Variants in FRMD6 observed in about 807,000 individuals in gnomAD.
The protein encoded by FRMD6 is FERM domain containing 6.
FRMD6 carries 37 observed loss-of-function variants against 73.2 expected under a neutral mutation model. The ratio of observed to expected loss-of-function variants is 0.51; its 90% confidence interval spans 0.39 to 0.66. The LOEUF (loss-of-function observed/expected upper bound fraction) is 0.66. FRMD6 is among the 30% of genes least tolerant of loss of function. The pLI is 0.00. For missense variants in FRMD6, 714 were observed against 780.5 expected, an observed-to-expected ratio of 0.91 and a Z score of 1.02; for synonymous variants, 273 against 282.2, an observed-to-expected ratio of 0.97 and a Z score of 0.33.
chr14:51,633,555 C>T (rs1220563583), intron 2 of FRMD6, among the ~76,000 whole-genome samples: 1 of 128,466 alleles, frequency 7.8e-6, no homozygotes, highest in Non-Finnish European at 1.6e-5. Context: ...GAGCTAAGAT[C>T]ATGCCACTGC....
At chr14:51,425,615 C>G in the FRMD6 span, among the ~76,000 whole-genome samples, 1 of 152,188 alleles carries the variant, frequency 6.6e-6, no homozygotes, top group Non-Finnish European at 1.5e-5. Context: ...TTCCACACAG[C>G]CTCTTCTTCC....
chr14:51,425,872 C>T, the FRMD6 span, among the ~76,000 whole-genome samples: 3 of 152,300 alleles, frequency 2.0e-5, no homozygotes, highest in East Asian at 1.9e-4. Context: ...CTCTATGCTC[C>T]GCCTGGCAGG....
At chr14:51,446,332 G>A in the FRMD6 span, among the ~76,000 whole-genome samples, 1 of 152,098 alleles carries the variant, frequency 6.6e-6, no homozygotes. Flanking sequence ...TACTGAGAAA[G>A]TAGAGATAAG....
intron 2 of FRMD6, among the ~76,000 whole-genome samples, chr14:51,609,919 C>T (rs922889116): frequency 6.6e-6 from 1 of 152,206 alleles, no homozygotes; most frequent in Admixed American, 6.5e-5. Context: ...AAGCCCATTC[C>T]TCTGCTCTGC....
chr14:51,628,418 C>T (rs1891194900), intron 2 of FRMD6, among the ~76,000 whole-genome samples: 1 of 152,040 alleles, frequency 6.6e-6, no homozygotes, highest in Admixed American at 6.5e-5. Context: ...AGAACATTTC[C>T]AACATTCCCA....
chr14:51,673,892 T>C (rs538757503), intron 1 of FRMD6, among the ~76,000 whole-genome samples: 8 of 152,348 alleles, frequency 5.3e-5, no homozygotes, highest in Admixed American at 1.3e-4. Flanking sequence ...AGTATTTCTT[T>C]TTTATTATCA....
chr14:51,449,050 C>G, the FRMD6 span, among the ~76,000 whole-genome samples: 1 of 152,138 alleles, frequency 6.6e-6, no homozygotes, highest in Non-Finnish European at 1.5e-5. Flanking sequence ...AATCATGCAG[C>G]CCATCATGTT....
chr14:51,693,937 G>T (rs879868819), intron 2 of FRMD6, among the ~76,000 whole-genome samples: 3 of 152,160 alleles, frequency 2.0e-5, no homozygotes, highest in Admixed American at 1.3e-4. Context: ...TTTACAAAGT[G>T]TTATCTTTGT....
chr14:51,417,056 G>A, the FRMD6 span, among the ~76,000 whole-genome samples: 9 of 151,978 alleles, frequency 5.9e-5, no homozygotes, highest in African/African-American at 1.5e-4. Flanking sequence ...GTCTCTGCAC[G>A]TGAGATGGGT....
chr14:51,676,995 A>G (rs751083211), intron 1 of FRMD6, among the ~76,000 whole-genome samples: 11 of 152,068 alleles, frequency 7.2e-5, no homozygotes, highest in Non-Finnish European at 1.2e-4. Context: ...GTAATCTGTC[A>G]TATGTATTCT....
chr14:51,581,471 C>T (rs952327034), intron 2 of FRMD6, among the ~76,000 whole-genome samples: 1 of 152,182 alleles, frequency 6.6e-6, no homozygotes, highest in Non-Finnish European at 1.5e-5. Flanking sequence ...TCTTTCTTCC[C>T]AAGCTAGAAG....
intron 1 of FRMD6, among the ~76,000 whole-genome samples, chr14:51,540,899 T>G (rs946217919): frequency 6.6e-6 from 1 of 152,120 alleles, no homozygotes; most frequent in Non-Finnish European, 1.5e-5. Flanking sequence ...GAAACAAGAA[T>G]GGAAAAGGAA....
the FRMD6 span, among the ~76,000 whole-genome samples, chr14:51,480,775 T>C: frequency 6.6e-6 from 1 of 152,188 alleles, no homozygotes; most frequent in African/African-American, 2.4e-5. Context: ...ATTGTGAGGC[T>C]TAAGTGAGCT....
At chr14:51,550,588 G>T (rs35127578) in intron 1 of FRMD6, among the ~76,000 whole-genome samples, 1,713 of 150,528 alleles carry the variant, frequency 0.011, 26 homozygotes, top group African/African-American at 0.039. Flanking sequence ...AGACCCCCCC[G>T]CCATGCTTAT....
At chr14:51,704,406 A>G (rs1896504951) in intron 5 of FRMD6, among the ~76,000 whole-genome samples, 1 of 152,144 alleles carries the variant, frequency 6.6e-6, no homozygotes, top group African/African-American at 2.4e-5. Context: ...TACAGACAAC[A>G]CATGTCTAGT....
the FRMD6 span, among the ~76,000 whole-genome samples, chr14:51,408,133 T>C: frequency 6.6e-6 from 1 of 152,046 alleles, no homozygotes; most frequent in Non-Finnish European, 1.5e-5. Context: ...CTGTCTTTTA[T>C]TAGTATTGGA....
upstream of FRMD6, among the ~76,000 whole-genome samples, chr14:51,484,447 C>T (rs1406097323): frequency 3.3e-5 from 5 of 152,048 alleles, no homozygotes; most frequent in Non-Finnish European, 7.4e-5. Flanking sequence ...AAACTGTTAA[C>T]TCCAAGAACA....
chr14:51,508,512 C>A (rs779446395), intron 1 of FRMD6, among the ~76,000 whole-genome samples: 1 of 152,190 alleles, frequency 6.6e-6, no homozygotes, highest in Non-Finnish European at 1.5e-5. Context: ...CTTGAGGAGA[C>A]AAGAGCAAGA....
At position 51,727,857 on chromosome 14, in the gene FRMD6, C is replaced by T; in HGVS notation, c.1697C>T (p.Ala566Val). 3 of 1,614,216 alleles carry T rather than the reference C, an allele frequency of 1.9e-6. No individual in the cohort carries two copies. Among genetic ancestry groups the T allele is most frequent in the Non-Finnish European group, 2.5e-6 (3 of 1,180,028 alleles). Reference sequence around the variant, plus strand: ...ATTGCAGGTCTGTGTCAGGACACTGCTCAGAGTTACACCTTTGGATGTGGC... The same window carrying T: ...ATTGCAGGTCTGTGTCAGGACACTGTTCAGAGTTACACCTTTGGATGTGGC... Reference protein sequence around the residue: ...LRIAGLCQDTAQSYTFGCGHE... With the variant: ...LRIAGLCQDTVQSYTFGCGHE... Residue 566 changes from alanine (A) to valine (V), a missense_variant, in exon 14 of 14, where the codon GCT (alanine) becomes GTT (valine). By Grantham distance (64) the Ala-to-Val change is moderately conservative. Coordinates refer to ENST00000344768, the MANE Select transcript of FRMD6 (RefSeq NM_001267046.2).
Sources: allele counts gnomAD v4.1 joint callset (sites outside exome capture counted in the v4.1 genomes callset), GRCh38; gene constraint gnomAD v4.1.1; transcripts MANE v1.5; gene names NCBI Gene and HGNC (gene_info 2026-07-23, HGNC 2026-07-21).